Variants in ADAM12 observed in about 807,000 individuals in gnomAD.
ADAM12 encodes disintegrin and metalloproteinase domain-containing protein 12.
ADAM12 carries 70 observed loss-of-function variants against 106.4 expected under a neutral mutation model. That is an observed-to-expected ratio of 0.66 (90% CI 0.54 to 0.80). The LOEUF is 0.80. ADAM12 is among the 30% of genes least tolerant of loss of function. ADAM12 has a pLI of 0.00. For synonymous variants in ADAM12, 420 were observed against 433.5 expected (o/e 0.97, Z 0.39); for missense variants, 1,010 against 1,171.9 (o/e 0.86, Z 2.02).
At chr10:126,294,458 AG>A (rs1197702329) in intron 2 of ADAM12, among the ~76,000 whole-genome samples, 1 of 152,220 alleles carries the variant, frequency 6.6e-6, no homozygotes, top group Non-Finnish European at 1.5e-5. Context: ...ACAGCATTTA[AG>A]GGGTCACTGT....
Position 126,223,876 on chromosome 10 carries a change from C to T in ADAM12, c.260+55039G>A, listed in dbSNP as rs1420380096. Among the ~76,000 whole-genome samples the T allele has an allele frequency of 5.3e-5, 8 of 152,344 alleles. No homozygotes were observed. In the East Asian group the frequency reaches 1.2e-3, roughly 22 times the overall value. On this transcript the variant is annotated intron_variant, in intron 3 of 22. Coordinates refer to ENST00000448723, the MANE Select transcript of ADAM12 (RefSeq NM_001288973.2). Reference sequence around the variant, plus strand: ...GCTTTATGTGAGGCCAATGCTGGTACTACACCAGCTAGAGCCATCCCAGCA... The same window carrying T: ...GCTTTATGTGAGGCCAATGCTGGTATTACACCAGCTAGAGCCATCCCAGCA...
intron 3 of ADAM12, among the ~76,000 whole-genome samples, chr10:126,231,788 C>T (rs1958317264): frequency 6.6e-6 from 1 of 152,214 alleles, no homozygotes; most frequent in Non-Finnish European, 1.5e-5. Flanking sequence ...TTCCCAACCT[C>T]AGTGTGTTGG....
chr10:126,205,081 T>C (rs1398884838), intron 3 of ADAM12, among the ~76,000 whole-genome samples: 1 of 152,124 alleles, frequency 6.6e-6, no homozygotes, highest in African/African-American at 2.4e-5. Context: ...CCCCTGGAGT[T>C]CCATAGCTAA....
rs182212050 is a variant in ADAM12 at position 126,374,092 on chromosome 10, C to T, written c.88+13966G>A. ...AGATCTGGTGAGGGTTAGGGAGTTT[C>T]GCAAGAGAAATAGAAACTTCAAGCC... On this transcript the variant is annotated intron_variant, in intron 1 of 22. Transcript: ENST00000448723. 1.4e-4 allele frequency among the ~76,000 whole-genome samples: 22 copies of T among 152,304 alleles called. 1 individual carries two copies. In the South Asian group the frequency reaches 1.9e-3, roughly 13 times the overall value.
chr10:126,103,703 C>T (rs145883982), intron 8 of ADAM12, among the ~76,000 whole-genome samples: 327 of 152,306 alleles, frequency 2.1e-3, no homozygotes, highest in African/African-American at 7.3e-3. Context: ...GAGAAGCTCA[C>T]GGGCCTCTGC....
chr10:126,352,403 G>A lies in ADAM12; in HGVS notation c.89-21894C>T, dbSNP rs75815334. Among the ~76,000 whole-genome samples, 1,249 of 152,280 alleles carry A rather than the reference G, an allele frequency of 8.2e-3. 22 individuals carry two copies. The highest frequency in any genetic ancestry group is 0.029 in the African/African-American group (1,188 of 41,542). On this transcript the variant is annotated intron_variant, in intron 1 of 22. Coordinates refer to ENST00000448723, the MANE Select transcript of ADAM12 (RefSeq NM_001288973.2). Reference sequence around the variant, plus strand: ...CTTCTTAAACAAATTTAAGCAAAATGTGTATACTGACTTAAAGTTTAAGAT... The same window carrying A: ...CTTCTTAAACAAATTTAAGCAAAATATGTATACTGACTTAAAGTTTAAGAT...
chr10:126,264,891 T>C (rs1309751875), intron 3 of ADAM12, among the ~76,000 whole-genome samples: 1 of 152,208 alleles, frequency 6.6e-6, no homozygotes, highest in Non-Finnish European at 1.5e-5. Flanking sequence ...CCGTGCCAGA[T>C]GTGAGGATGC....
At chr10:126,353,634 G>T (rs1381933863) in intron 1 of ADAM12, among the ~76,000 whole-genome samples, 1 of 152,170 alleles carries the variant, frequency 6.6e-6, no homozygotes, top group Non-Finnish European at 1.5e-5. Flanking sequence ...TTTTATGAAG[G>T]TCTCTGATAG....
At chr10:126,028,741 A>G (rs934254445) in intron 21 of ADAM12, among the ~76,000 whole-genome samples, 1 of 152,214 alleles carries the variant, frequency 6.6e-6, no homozygotes, top group Non-Finnish European at 1.5e-5. Context: ...GGACATAGGC[A>G]TGCGAAAAGA....
chr10:126,185,711 G>C (rs1454235308), intron 3 of ADAM12, among the ~76,000 whole-genome samples: 1 of 151,986 alleles, frequency 6.6e-6, no homozygotes, highest in East Asian at 1.9e-4. Flanking sequence ...GAGATGATTT[G>C]AGTGAGAAAG....
chr10:126,053,536 A>G lies in ADAM12; in HGVS notation c.1610-3867T>C, dbSNP rs1223321856. ...GGCTTGTGGCCAATTCGAATATGTG[A>G]ATTTTTACCAACACAGATGACACAG... On this transcript the variant is annotated intron_variant, in intron 14 of 22. Coordinates refer to ENST00000448723, the MANE Select transcript of ADAM12 (RefSeq NM_001288973.2). The surrounding 1 kb of genome is among the most constrained non-coding windows in gnomAD (Gnocchi z 4.6). 6.6e-6 allele frequency among the ~76,000 whole-genome samples: 1 copy of G among 152,130 alleles called. No homozygotes were observed. Among genetic ancestry groups the G allele is most frequent in the African/African-American group, 2.4e-5 (1 of 41,418 alleles).
chr10:126,368,823 T>C (rs1474109375), intron 1 of ADAM12, among the ~76,000 whole-genome samples: 1 of 151,714 alleles, frequency 6.6e-6, no homozygotes, highest in African/African-American at 2.4e-5. Flanking sequence ...GTTAAGTTTA[T>C]CATCACCAGA....
At chr10:126,295,571 ATC>A (rs1960337848) in intron 2 of ADAM12, among the ~76,000 whole-genome samples, 1 of 151,520 alleles carries the variant, frequency 6.6e-6, no homozygotes, top group Non-Finnish European at 1.5e-5. Context: ...ACACACACAC[ATC>A]TCTGTTCTCC....
At chr10:126,236,382 A>T (rs1958416498) in intron 3 of ADAM12, among the ~76,000 whole-genome samples, 1 of 152,180 alleles carries the variant, frequency 6.6e-6, no homozygotes, top group Non-Finnish European at 1.5e-5. Context: ...GGAGCAGGAG[A>T]GCAAACCTGC....
intron 3 of ADAM12, among the ~76,000 whole-genome samples, chr10:126,196,914 G>A (rs550787839): frequency 7.9e-5 from 12 of 152,294 alleles, no homozygotes; most frequent in East Asian, 1.9e-4. Context: ...AGGGAATGTC[G>A]TTTGGCTTCA....
chr10:126,251,807 C>T (rs1958771751), intron 3 of ADAM12, among the ~76,000 whole-genome samples: 1 of 135,186 alleles, frequency 7.4e-6, no homozygotes, highest in African/African-American at 2.9e-5. Flanking sequence ...GGGATGGATA[C>T]ATGAATTGAT....
At chr10:126,303,041 C>A (rs1960691057) in intron 2 of ADAM12, among the ~76,000 whole-genome samples, 1 of 152,152 alleles carries the variant, frequency 6.6e-6, no homozygotes, top group Admixed American at 6.5e-5. Flanking sequence ...TGGGAGGACA[C>A]TGACACCCAG....
chr10:126,075,857 T>C (rs1199110561), intron 11 of ADAM12, among the ~76,000 whole-genome samples: 1 of 152,172 alleles, frequency 6.6e-6, no homozygotes, highest in East Asian at 1.9e-4. Context: ...TCCCATGGAG[T>C]GTCAATACAC....
At position 126,153,649 on chromosome 10, in the gene ADAM12, C is replaced by T. The variant is rs141190652; in HGVS notation, c.339+1578G>A. Among the ~76,000 whole-genome samples the T allele has an allele frequency of 6.3e-4, 96 of 152,080 alleles. 3 individuals carry two copies. The East Asian group carries it at 8.1e-3, about 13-fold the overall frequency. On this transcript the variant is annotated intron_variant, in intron 4 of 22. Coordinates refer to ENST00000448723, the MANE Select transcript of ADAM12 (RefSeq NM_001288973.2). ...CTTGTCTGCTGATGCTTGCGTACAACGGCTTTTTGCATTGTGTGGCTTGTA... is the reference window on the plus strand; with the variant it reads ...CTTGTCTGCTGATGCTTGCGTACAATGGCTTTTTGCATTGTGTGGCTTGTA...
Sources: gnomAD v4.1 joint callset for allele counts (sites outside exome capture counted in the v4.1 genomes callset) on GRCh38, gnomAD v4.1.1 for gene constraint, Gnocchi (gnomAD v3.1) non-coding constraint, MANE v1.5 for transcripts, NCBI Gene and HGNC (gene_info 2026-07-23, HGNC 2026-07-21) for gene names.